The following DMD variants were observed in gnomAD, a reference collection of about 807,000 sequenced individuals.
The protein encoded by DMD is mutant dystrophin.
A neutral mutation model predicts 330.1 loss-of-function variants in DMD; 63 were observed. The ratio of observed to expected loss-of-function variants is 0.19; its 90% CI spans 0.16 to 0.24. The LOEUF (loss-of-function observed/expected upper bound fraction) is 0.24, where lower values mean the gene tolerates loss of function less well. Among genes scored for constraint, DMD ranks in the 10% least tolerant of loss-of-function variants. The pLI is 1.00. For missense variants in DMD, 3,344 were observed against 2,684.1 expected, an observed-to-expected ratio of 1.25 and a Z score of -5.43; for synonymous variants, 1,223 against 959.8, an observed-to-expected ratio of 1.27 and a Z score of -5.07.
intron 25 of DMD, among the ~76,000 whole-genome samples, chrX:32,462,077 G>T: frequency 9.1e-6 from 1 of 110,410 alleles, no homozygotes; most frequent in East Asian, 2.8e-4. Flanking sequence ...CACGTAAATT[G>T]AAACCCCTTA....
At chrX:31,925,223 A>G (rs1253049642) in intron 47 of DMD, among the ~76,000 whole-genome samples, 1 of 112,088 alleles carries the variant, frequency 8.9e-6, no homozygotes, top group Non-Finnish European at 1.9e-5. Flanking sequence ...TTATCCACAT[A>G]AAAATCACTT....
chrX:32,574,205 C>CT (rs2052758484), intron 13 of DMD, among the ~76,000 whole-genome samples: 1 of 111,502 alleles, frequency 9.0e-6, no homozygotes, highest in Admixed American at 9.5e-5. Flanking sequence ...AAAATACACC[C>CT]TAAAGAATAA....
chrX:32,857,172 T>A (rs899729932), intron 2 of DMD, among the ~76,000 whole-genome samples: 1 of 112,302 alleles, frequency 8.9e-6, no homozygotes. Flanking sequence ...ATGATTATGC[T>A]TCGCATGCCT....
chrX:31,862,856 G>A (rs756520255), intron 48 of DMD, among the ~76,000 whole-genome samples: 20 of 112,720 alleles, frequency 1.8e-4, no homozygotes, highest in African/African-American at 5.5e-4. Context: ...CGAAATAGCA[G>A]AAGCAGGAAG....
At chrX:32,606,479 C>A (rs765064951) in intron 12 of DMD, among the ~76,000 whole-genome samples, 1 of 109,550 alleles carries the variant, frequency 9.1e-6, no homozygotes, top group Non-Finnish European at 1.9e-5. Context: ...TTAATATAAA[C>A]ATTATGTAAA....
At chrX:32,430,653 G>A (rs1000498957) in intron 29 of DMD, among the ~76,000 whole-genome samples, 2 of 111,323 alleles carry the variant, frequency 1.8e-5, no homozygotes, top group Non-Finnish European at 3.8e-5. Context: ...TAGATCTCTA[G>A]GAATTATCTA....
intron 64 of DMD, among the ~76,000 whole-genome samples, chrX:31,220,368 C>G (rs1441485140): frequency 9.0e-6 from 1 of 111,594 alleles, no homozygotes; most frequent in Non-Finnish European, 1.9e-5. Flanking sequence ...CACTGTGCCT[C>G]TAAAATCTCA....
At chrX:32,062,008 G>C (rs906613249) in intron 44 of DMD, among the ~76,000 whole-genome samples, 4 of 110,960 alleles carry the variant, frequency 3.6e-5, no homozygotes, top group African/African-American at 1.3e-4. Flanking sequence ...GAATAATATA[G>C]ATCAATGTTT....
At chrX:31,348,753 C>G in intron 60 of DMD, 119 bp from the exon 61 acceptor site, 1 of 600,796 alleles carries the variant, frequency 1.7e-6, no homozygotes, top group South Asian at 2.5e-5. Flanking sequence ...ACTAAAGCAA[C>G]ATTTCATAAC....
chrX:31,381,564 C>T (rs188685831), intron 60 of DMD, among the ~76,000 whole-genome samples: 418 of 110,478 alleles, frequency 3.8e-3, no homozygotes, highest in African/African-American at 0.013. Flanking sequence ...GACTTCAATC[C>T]GGCCTCCCAC....
chrX:31,347,311 C>G (rs900604039), intron 61 of DMD, among the ~76,000 whole-genome samples: 6 of 110,679 alleles, frequency 5.4e-5, no homozygotes, highest in Non-Finnish European at 7.6e-5. Flanking sequence ...TACAGTCACT[C>G]TATTCTGCTG....
At chrX:33,326,219 T>C (rs1278248379) in intron 1 of DMD, among the ~76,000 whole-genome samples, 1 of 109,236 alleles carries the variant, frequency 9.2e-6, no homozygotes, top group Non-Finnish European at 1.9e-5. Flanking sequence ...AAGTTAAACT[T>C]GAGTAGCTCC....
chrX:32,117,142 C>A (rs1304319696), intron 44 of DMD, among the ~76,000 whole-genome samples: 1 of 110,584 alleles, frequency 9.0e-6, no homozygotes, highest in African/African-American at 3.3e-5. Flanking sequence ...ATCACAGCAC[C>A]AGTGCCAGAC....
chrX:32,123,068 T>C (rs2096643990), intron 44 of DMD, among the ~76,000 whole-genome samples: 1 of 105,980 alleles, frequency 9.4e-6, no homozygotes, highest in Non-Finnish European at 1.9e-5. Context: ...TTACAGCCTC[T>C]GGTCCCCAAA....
At chrX:33,183,767 T>C (rs181830859) in intron 1 of DMD, among the ~76,000 whole-genome samples, 6 of 93,475 alleles carry the variant, frequency 6.4e-5, no homozygotes, top group Non-Finnish European at 1.3e-4. Context: ...CTTGAAGCCA[T>C]GAAATTTTCC....
intron 55 of DMD, among the ~76,000 whole-genome samples, chrX:31,583,806 G>A (rs1044538712): frequency 3.1e-4 from 34 of 108,480 alleles, no homozygotes; most frequent in African/African-American, 1.0e-3. Context: ...TATGCACAAC[G>A]TGAAGGTTAG....
At chrX:32,013,247 C>T (rs745385465) in intron 44 of DMD, among the ~76,000 whole-genome samples, 2 of 108,681 alleles carry the variant, frequency 1.8e-5, no homozygotes, top group African/African-American at 3.4e-5. Context: ...CCACCAAACC[C>T]GGCTAATTTT....
At chrX:32,144,857 C>T (rs949302614) in intron 44 of DMD, among the ~76,000 whole-genome samples, 1 of 110,507 alleles carries the variant, frequency 9.0e-6, no homozygotes, top group African/African-American at 3.3e-5. Context: ...ACATGGTGAA[C>T]CCCTGTCTCT....
chrX:33,018,340 C>T (rs956792202), intron 2 of DMD, among the ~76,000 whole-genome samples: 3 of 111,176 alleles, frequency 2.7e-5, no homozygotes, highest in Admixed American at 9.7e-5. Flanking sequence ...TGGAAGAAAA[C>T]AATAAATGTG....
Sources: allele counts gnomAD v4.1 joint callset (sites outside exome capture counted in the v4.1 genomes callset), GRCh38; gene constraint gnomAD v4.1.1; transcripts MANE v1.5; gene names NCBI Gene and HGNC (gene_info 2026-07-23, HGNC 2026-07-21).